The following SGK2 variants were observed in gnomAD, a reference collection of about 807,000 sequenced individuals.
The protein encoded by SGK2 is serum/glucocorticoid regulated kinase 2.
SGK2 carries 36 observed loss-of-function variants against 47.5 expected under a neutral mutation model. That is an observed-to-expected ratio of 0.76 (90% CI 0.58 to 1.00). The LOEUF (loss-of-function observed/expected upper bound fraction) is 1.00, where lower values mean the gene tolerates loss of function less well. Among genes scored for constraint, SGK2 ranks in the 50% least tolerant of loss-of-function variants. SGK2 has a pLI of 0.00. For missense variants in SGK2, 404 were observed against 467.4 expected (o/e 0.86, Z 1.25); for synonymous variants, 157 against 181.9 (o/e 0.86, Z 1.10).
rs116144220 is a variant in SGK2, at chr20:43,564,197, G to A, written c.-23-2276G>A. 9.1e-3 allele frequency among the ~76,000 whole-genome samples: 1,384 copies of A among 152,342 alleles called. 22 individuals are homozygous for A. The highest frequency in any genetic ancestry group is 0.031 in the African/African-American group (1,304 of 41,590). On this transcript the variant is annotated intron_variant, in intron 1 of 12. Coordinates refer to ENST00000373100, the MANE Select transcript of SGK2 (RefSeq NM_170693.3). ...GGTGCTCTCTGGGACCGTTTCTTAC[G>A]CAGCAGGAGAGTCGTGGGCCAACCA...
chr20:43,575,074 C>A, intron 10 of SGK2, 70 bp downstream of exon 10: 2 of 1,010,722 alleles, frequency 2.0e-6, no homozygotes, highest in East Asian at 2.5e-5. Flanking sequence ...GTGGTCTACA[C>A]AAGCTCTGTC....
chr20:43,578,242 T>C (rs1209436138), intron 11 of SGK2, among the ~76,000 whole-genome samples: 3 of 152,130 alleles, frequency 2.0e-5, no homozygotes, highest in African/African-American at 7.2e-5. Context: ...CCCACCACTT[T>C]GGGAGGCCAA....
At chr20:43,574,789 CCACAGAG>C in intron 9 of SGK2, 113 bp from the exon 10 acceptor site, 2 of 651,750 alleles carry the variant, frequency 3.1e-6, no homozygotes, top group Non-Finnish European at 5.5e-6. Flanking sequence ...ACACACACAG[CCACAGAG>C]CACACGTACA....
chr20:43,575,779 G>T, intron 10 of SGK2, among the ~76,000 whole-genome samples: 1 of 152,182 alleles, frequency 6.6e-6, no homozygotes, highest in East Asian at 1.9e-4. Flanking sequence ...ACAGCTGGAA[G>T]AGGTGTGGGA....
intron 5 of SGK2, among the ~76,000 whole-genome samples, chr20:43,568,252 A>T (rs1347915985): frequency 6.6e-6 from 1 of 152,150 alleles, no homozygotes; most frequent in African/African-American, 2.4e-5. Context: ...AGGCTCCACG[A>T]TGGACAAGTC....
intron 2 of SGK2, among the ~76,000 whole-genome samples, 170 bp downstream of exon 2, chr20:43,566,701 T>G (rs546551328): frequency 6.6e-6 from 1 of 152,090 alleles, no homozygotes; most frequent in African/African-American, 2.4e-5. Flanking sequence ...GGCTTCAAGA[T>G]GAACTGGAAA....
chr20:43,564,377 C>T (rs1039317075), intron 1 of SGK2, among the ~76,000 whole-genome samples: 1 of 152,218 alleles, frequency 6.6e-6, no homozygotes, highest in Non-Finnish European at 1.5e-5. Flanking sequence ...TTTTGGGAGG[C>T]GAAGGGCTCT....
chr20:43,567,849 A>G, intron 4 of SGK2, 67 bp from the exon 5 acceptor site: 1 of 1,556,320 alleles, frequency 6.4e-7, no homozygotes, highest in South Asian at 1.1e-5. Flanking sequence ...GGCAGGCGGG[A>G]GGCCTTGTAC....
chr20:43,566,770 A>G (rs1446423088), intron 2 of SGK2, among the ~76,000 whole-genome samples: 1 of 151,936 alleles, frequency 6.6e-6, no homozygotes, highest in Non-Finnish European at 1.5e-5. Context: ...TGCCTGTGAG[A>G]CCCTGGGCAA....
chr20:43,581,108 C>T (rs1184551446), intron 12 of SGK2, among the ~76,000 whole-genome samples: 1 of 152,090 alleles, frequency 6.6e-6, no homozygotes, highest in Non-Finnish European at 1.5e-5. Context: ...ATCTCCTGAC[C>T]TCGTGATCCG....
At chr20:43,569,030 G>A (rs1979922413) in intron 5 of SGK2, among the ~76,000 whole-genome samples, 1 of 152,194 alleles carries the variant, frequency 6.6e-6, no homozygotes, top group Non-Finnish European at 1.5e-5. Flanking sequence ...GAAATAGCAT[G>A]AGCAAATACA....
Position 43,585,083 on chromosome 20 carries a change from G to A in SGK2, c.*67G>A. On this transcript the variant is annotated 3_prime_UTR_variant, in exon 13 of 13. Transcript: ENST00000373100. ...GTAAGGAATTACCTTCAGCTGCTAG[G>A]AAGAGCGACTCAAACTAACAATGGC... 1.4e-6 allele frequency: 2 copies of A among 1,445,856 alleles called. No individual in the cohort carries two copies. The allele number at this position is 1,445,856 out of a possible 1,614,324, so 89.6% of individuals were successfully genotyped here. A position where few individuals can be genotyped will look rare whatever the true frequency, so the allele number is the denominator to read the frequency against.
At chr20:43,564,063 A>G (rs1178183024) in intron 1 of SGK2, among the ~76,000 whole-genome samples, 2 of 152,084 alleles carry the variant, frequency 1.3e-5, no homozygotes, top group Non-Finnish European at 2.9e-5. Flanking sequence ...GGGCCCATCA[A>G]CTCCTTTATT....
intron 10 of SGK2, among the ~76,000 whole-genome samples, chr20:43,575,420 C>T (rs1430514576): frequency 2.7e-5 from 4 of 149,160 alleles, no homozygotes; most frequent in African/African-American, 9.9e-5. Flanking sequence ...ACCGCGGTCG[C>T]ACCACCGCAT....
intron 11 of SGK2, 44 bp from the exon 12 acceptor site, chr20:43,579,928 G>T: frequency 1.5e-6 from 2 of 1,323,244 alleles, no homozygotes; most frequent in Non-Finnish European, 2.2e-6. Context: ...CACCCATGGG[G>T]AGGGCTACTT....
chr20:43,577,272 G>A (rs1400314789), intron 11 of SGK2, among the ~76,000 whole-genome samples: 1 of 151,946 alleles, frequency 6.6e-6, no homozygotes, highest in Non-Finnish European at 1.5e-5. Flanking sequence ...TTGAGCAGAG[G>A]TCTGGCATGA....
intron 11 of SGK2, among the ~76,000 whole-genome samples, chr20:43,578,137 G>T (rs543729822): frequency 1.3e-5 from 2 of 152,228 alleles, no homozygotes; most frequent in East Asian, 1.9e-4. Flanking sequence ...CAAAAAGAAG[G>T]CCGCAATATT....
intron 5 of SGK2, 29 bp from the exon 6 acceptor site, chr20:43,569,356 C>T: frequency 6.2e-7 from 1 of 1,612,432 alleles, no homozygotes; most frequent in Non-Finnish European, 8.5e-7. Context: ...TGGGCTGTGA[C>T]ATGGACCCCT....
intron 3 of SGK2, 64 bp from the exon 4 acceptor site, chr20:43,567,601 G>A (rs906653354): frequency 6.1e-6 from 9 of 1,482,194 alleles, no homozygotes; most frequent in Non-Finnish European, 8.5e-6. Flanking sequence ...GCCCAGGTTT[G>A]TTCTCAGGCA....
Sources: allele counts gnomAD v4.1 joint callset (sites outside exome capture counted in the v4.1 genomes callset), GRCh38; gene constraint gnomAD v4.1.1; transcripts MANE v1.5; gene names NCBI Gene and HGNC (gene_info 2026-07-23, HGNC 2026-07-21).